The following FAT4 variants were observed in gnomAD, a reference collection of about 807,000 sequenced individuals.
FAT4 encodes the protein protocadherin Fat 4.
In FAT4, 84 loss-of-function variants were observed where a neutral mutation model predicts 303.9. The observed-to-expected ratio is 0.28, with a 90% confidence interval of 0.23 to 0.33. FAT4 has a LOEUF of 0.33. Among genes scored for constraint, FAT4 ranks in the 10% least tolerant of loss-of-function variants. The pLI is 1.00. For synonymous variants in FAT4, 2,307 were observed against 2,298.8 expected, an observed-to-expected ratio of 1.00 and a Z score of -0.10; for missense variants, 6,005 against 6,146.8, an observed-to-expected ratio of 0.98 and a Z score of 0.77.
intron 7 of FAT4, among the ~76,000 whole-genome samples, chr4:125,428,551 T>A (rs999059974): frequency 6.6e-6 from 1 of 152,214 alleles, no homozygotes; most frequent in Non-Finnish European, 1.5e-5. Context: ...ATTTGGTTTG[T>A]GTAAATTTTA....
intron 8 of FAT4, among the ~76,000 whole-genome samples, chr4:125,439,394 G>A (rs1578644233): frequency 6.7e-6 from 1 of 149,512 alleles, no homozygotes; most frequent in South Asian, 2.1e-4. Context: ...GTGCTGCGTC[G>A]TGATCTCAGC....
chr4:125,467,067 A>G (rs938134840), intron 11 of FAT4, among the ~76,000 whole-genome samples: 3 of 152,088 alleles, frequency 2.0e-5, no homozygotes, highest in Admixed American at 2.0e-4. Flanking sequence ...GTGAGCCACC[A>G]TGCCTGGCCA....
intron 2 of FAT4, among the ~76,000 whole-genome samples, chr4:125,352,403 A>T (rs879648992): frequency 1.3e-5 from 2 of 151,692 alleles, no homozygotes; most frequent in Non-Finnish European, 3.0e-5. Context: ...ATGTAACATT[A>T]GTTATTTTTA....
Position 125,414,867 on chromosome 4 carries a change from C to T in FAT4, c.5921-17C>T. The T allele has an allele frequency of 1.9e-6, 3 of 1,550,796 alleles. No homozygotes were observed. The highest frequency in any genetic ancestry group is 1.4e-5 in the African/African-American group (1 of 72,584). On this transcript the variant is annotated splice_polypyrimidine_tract_variant and intron_variant, in intron 5 of 17. Coordinates refer to ENST00000394329, the MANE Select transcript of FAT4 (RefSeq NM_001291303.3). ...CAGCATATGTTTAAGAAAATTTTTT[C>T]TTCCCTTTAATTTCAGGCATCAACT... is the stretch of plus-strand genomic sequence containing the variant.
Position 125,375,158 on chromosome 4 carries a change from G to T in FAT4, c.5176-23626G>T, listed in dbSNP as rs146500481. 1.4e-4 allele frequency among the ~76,000 whole-genome samples: 21 copies of T among 152,208 alleles called. No individual in the cohort carries two copies. In the East Asian group the frequency reaches 4.1e-3, roughly 29 times the overall value. On this transcript the variant is annotated intron_variant, in intron 2 of 17. Transcript: ENST00000394329. ...GACAAAGTGTGAAATTTTCCTACAGGTCTTAGTGATTTAGCAACCACAAAA... is the reference window on the plus strand; with the variant it reads ...GACAAAGTGTGAAATTTTCCTACAGTTCTTAGTGATTTAGCAACCACAAAA...
intron 5 of FAT4, among the ~76,000 whole-genome samples, chr4:125,413,934 A>G (rs1231505431): frequency 6.6e-6 from 1 of 152,026 alleles, no homozygotes; most frequent in East Asian, 1.9e-4. Flanking sequence ...CAGAATATAC[A>G]TCTTTATTAA....
At chr4:125,417,018 A>G (rs1735102956) in intron 7 of FAT4, among the ~76,000 whole-genome samples, 1 of 152,172 alleles carries the variant, frequency 6.6e-6, no homozygotes, top group South Asian at 2.1e-4. Context: ...GTTTGCCATT[A>G]AATGAAATAT....
intron 10 of FAT4, among the ~76,000 whole-genome samples, chr4:125,458,946 G>C (rs1247068810): frequency 6.6e-6 from 1 of 151,940 alleles, no homozygotes; most frequent in Admixed American, 6.6e-5. Flanking sequence ...CTGTGCAAAA[G>C]ACAGCTACTT....
chr4:125,392,579 A>G (rs1245205067), intron 2 of FAT4, among the ~76,000 whole-genome samples: 1 of 152,138 alleles, frequency 6.6e-6, no homozygotes, highest in Non-Finnish European at 1.5e-5. Context: ...AGAGAATTTA[A>G]CTATAGTTTC....
chr4:125,439,628 C>T (rs1055560659), intron 8 of FAT4, among the ~76,000 whole-genome samples: 5 of 152,010 alleles, frequency 3.3e-5, no homozygotes, highest in African/African-American at 7.2e-5. Context: ...CGTGAGCCAC[C>T]GCGCCCCGGC....
Position 125,490,492 on chromosome 4 carries a change from A to G in FAT4, c.13676A>G (p.Asp4559Gly). 1 of 1,614,202 alleles carries G rather than the reference A, an allele frequency of 6.2e-7. No individual in the cohort carries two copies. Among genetic ancestry groups the G allele is most frequent in the South Asian group, 1.1e-5 (1 of 91,084 alleles). The change falls in exon 18 of 18, where the codon GAT becomes GGT. Residue 4559 changes from aspartate to glycine, a missense_variant. Physicochemically the swap from Asp to Gly is moderately conservative, Grantham distance 94. Transcript: ENST00000394329. ...AAGGGAAGTGAGAACGTTGCTTTTGATGACCCTGACAATATCCCTCCCTAT... is the reference window on the plus strand; with the variant it reads ...AAGGGAAGTGAGAACGTTGCTTTTGGTGACCCTGACAATATCCCTCCCTAT... ...KKKGSENVAF[D>G]DPDNIPPYGD... is the part of the protein sequence containing the mutation.
At chr4:125,460,539 G>T (rs1726447453) in intron 10 of FAT4, among the ~76,000 whole-genome samples, 1 of 151,894 alleles carries the variant, frequency 6.6e-6, no homozygotes, top group African/African-American at 2.4e-5. Flanking sequence ...GGTGGTATTT[G>T]GTTTTCTGTT....
At chr4:125,398,748 G>A in intron 2 of FAT4, 36 bp from the exon 3 acceptor site, 1 of 1,608,258 alleles carries the variant, frequency 6.2e-7, no homozygotes, top group Non-Finnish European at 8.5e-7. Context: ...CAGACACGTG[G>A]GAGTCATTCA....
Position 125,448,992 on chromosome 4 carries a change from T to C in FAT4, c.7982T>C (p.Val2661Ala). Residue 2661 changes from valine (V) to alanine (A), a missense_variant, in exon 10 of 18, where the codon GTA becomes GCA. By Grantham distance (64) the Val-to-Ala change is moderately conservative. Transcript: ENST00000394329. ...TCTTACGAGAAACTTGATATAACAG[T>C]ATTAGATGTCAATGATAATGCCCCA... Reference protein sequence around the residue: ...FSSYEKLDITVLDVNDNAPIF... With the variant: ...FSSYEKLDITALDVNDNAPIF... The C allele has an allele frequency of 6.2e-7, 1 of 1,613,832 alleles. No individual in the cohort carries two copies. The highest frequency in any genetic ancestry group is 1.1e-5 in the South Asian group (1 of 91,072).
chr4:125,482,957 T>C (rs1402453462), intron 16 of FAT4, among the ~76,000 whole-genome samples: 2 of 152,206 alleles, frequency 1.3e-5, no homozygotes, highest in African/African-American at 2.4e-5. Context: ...CATTTGGCAA[T>C]ATCTGGAGAC....
chr4:125,485,386 G>A (rs1269865153), intron 16 of FAT4, among the ~76,000 whole-genome samples: 1 of 151,740 alleles, frequency 6.6e-6, no homozygotes, highest in Admixed American at 6.6e-5. Flanking sequence ...TATTCCATAA[G>A]CTTTTTTTCT....
chr4:125,376,087 C>G (rs942664080), intron 2 of FAT4, among the ~76,000 whole-genome samples: 1 of 152,150 alleles, frequency 6.6e-6, no homozygotes, highest in African/African-American at 2.4e-5. Context: ...CCATATCTAG[C>G]TATTGCTGTG....
intron 3 of FAT4, among the ~76,000 whole-genome samples, chr4:125,400,009 T>G (rs1231306244): frequency 6.6e-6 from 1 of 151,942 alleles, no homozygotes; most frequent in Non-Finnish European, 1.5e-5. Flanking sequence ...ACATTTTGAT[T>G]TATCAATTCA....
At chr4:125,464,648 C>T (rs1052100670) in intron 11 of FAT4, among the ~76,000 whole-genome samples, 1 of 152,108 alleles carries the variant, frequency 6.6e-6, no homozygotes, top group African/African-American at 2.4e-5. Flanking sequence ...AGGTATTTCT[C>T]CTAATGCTAT....
Sources: gnomAD v4.1 joint callset for allele counts (sites outside exome capture counted in the v4.1 genomes callset) on GRCh38, gnomAD v4.1.1 for gene constraint, MANE v1.5 for transcripts, NCBI Gene and HGNC (gene_info 2026-07-23, HGNC 2026-07-21) for gene names.